PCM1: variants seen among roughly 807,000 people sequenced by gnomAD.
PCM1 encodes pericentriolar material 1.
A neutral mutation model predicts 241.9 loss-of-function variants in PCM1; 157 were observed. The observed-to-expected ratio is 0.65, with a 90% CI of 0.57 to 0.74. The LOEUF is 0.74. Among genes scored for constraint, PCM1 ranks in the 30% least tolerant of loss-of-function variants. The pLI is 0.00. For synonymous variants in PCM1, 1,085 were observed against 784.9 expected, an observed-to-expected ratio of 1.38 and a Z score of -6.39; for missense variants, 3,478 against 2,360.1, an observed-to-expected ratio of 1.47 and a Z score of -9.81.
chr8:17,995,149 C>G lies in PCM1; in HGVS notation c.4827+1530C>G, dbSNP rs796405967. Among the ~76,000 whole-genome samples, 26 of 151,460 alleles carry G rather than the reference C, an allele frequency of 1.7e-4. 2 individuals carry two copies. Among genetic ancestry groups the G allele is most frequent in the African/African-American group, 6.1e-4 (25 of 40,810 alleles). On this transcript the variant is annotated intron_variant, in intron 29 of 38. Coordinates refer to ENST00000325083, the MANE Select transcript of PCM1 (RefSeq NM_006197.4). ...CCCCACTGTTTTCATATAATAGTTT[C>G]ATAGTATGAGGTCTTAGATTTATGT...
chr8:17,990,645 A>T (rs1310125858), intron 27 of PCM1, among the ~76,000 whole-genome samples: 4 of 152,150 alleles, frequency 2.6e-5, no homozygotes, highest in African/African-American at 4.8e-5. Flanking sequence ...ACTGTGGCCA[A>T]TCAAAAGAGA....
chr8:18,018,956 A>G (rs1205472667), intron 36 of PCM1, among the ~76,000 whole-genome samples: 1 of 57,902 alleles, frequency 1.7e-5, no homozygotes, highest in African/African-American at 6.9e-5. Context: ...GATTTGTTCA[A>G]GACTTAAACA....
chr8:17,927,909 C>T (rs558536706), intron 2 of PCM1: 2 of 140,824 alleles, frequency 1.4e-5, no homozygotes, highest in African/African-American at 5.3e-5. Flanking sequence ...TTAAAATTGC[C>T]ATAGTATATT....
Position 17,938,850 on chromosome 8 carries a change from C to G in PCM1, c.453C>G (p.Asn151Lys), listed in dbSNP as rs1212089069. 4 of 1,613,606 alleles carry G rather than the reference C, an allele frequency of 2.5e-6. No individual in the cohort carries two copies. The highest frequency in any genetic ancestry group is 3.4e-6 in the Non-Finnish European group (4 of 1,179,540). Residue 151 changes from asparagine (N) to lysine (K), a missense_variant, in exon 5 of 39, where the codon AAC (asparagine) becomes AAG (lysine). Asn to Lys is a moderately conservative substitution (Grantham distance 94, BLOSUM62 0). Coordinates refer to ENST00000325083, the MANE Select transcript of PCM1 (RefSeq NM_006197.4). ...TTTTGCCTATGCAGATTAATACTAA[C>G]AAGAGCAAAGATGCATCTACAAACC... ...FNFLPMQINT[N>K]KSKDASTNPP...
chr8:18,025,432 G>C lies in PCM1; in HGVS notation c.5913G>C (p.Leu1971=), dbSNP rs377657446. Reference sequence around the variant, plus strand: ...TTGTAAAAGTTGAAGATTTACCACTGAAACTGACAATATATTCAGAGGTAT... The same window carrying C: ...TTGTAAAAGTTGAAGATTTACCACTCAAACTGACAATATATTCAGAGGTAT... ...EDFVKVEDLP[L]KLTIYSEADL... The change falls in exon 37 of 39, where the codon CTG becomes CTC. Residue 1971 remains leucine (L), a synonymous_variant. Transcript: ENST00000325083. 3 of 1,596,636 alleles carry C rather than the reference G, an allele frequency of 1.9e-6. No homozygotes were observed. The highest frequency in any genetic ancestry group is 1.3e-5 in the African/African-American group (1 of 74,586).
At chr8:17,943,181 T>A (rs1460880034) in intron 6 of PCM1, among the ~76,000 whole-genome samples, 1 of 44,048 alleles carries the variant, frequency 2.3e-5, no homozygotes, top group African/African-American at 4.9e-5. Context: ...GTTTGTTGTA[T>A]TTTTTTTTTT....
At chr8:17,964,470 G>A (rs2074017552) in intron 17 of PCM1, 98 bp from the exon 18 acceptor site, 2 of 822,398 alleles carry the variant, frequency 2.4e-6, no homozygotes, top group East Asian at 2.6e-5. Context: ...ATACAGACAT[G>A]TATATGTATG....
chr8:17,960,664 T>A (rs910284847), intron 15 of PCM1, among the ~76,000 whole-genome samples: 3 of 151,520 alleles, frequency 2.0e-5, no homozygotes, highest in African/African-American at 7.3e-5. Context: ...AGCTGGGACT[T>A]CAGGCACCCG....
chr8:18,020,230 G>T (rs947180385), intron 36 of PCM1, among the ~76,000 whole-genome samples: 14 of 152,298 alleles, frequency 9.2e-5, no homozygotes, highest in African/African-American at 2.4e-4. Context: ...CTGACCCATT[G>T]CTTATTATAC....
chr8:17,994,055 C>G (rs1402298084), intron 29 of PCM1, among the ~76,000 whole-genome samples: 2 of 152,122 alleles, frequency 1.3e-5, no homozygotes, highest in Non-Finnish European at 2.9e-5. Context: ...CAGTTATACT[C>G]TTTTAGTTAT....
chr8:17,969,648 C>T lies in PCM1; in HGVS notation c.3484C>T (p.Gln1162Ter). 6.2e-7 allele frequency: 1 copy of T among 1,612,632 alleles called. No individual in the cohort carries two copies. The highest frequency in any genetic ancestry group is 8.5e-7 in the Non-Finnish European group (1 of 1,178,880). ...FSQNISTPSE[Q>*]QQPLAQNSSG... ...TCAGAATATCTCTACACCCAGTGAA[C>T]AGCAGCAACCCTTAGCCCAGAATTC... is the stretch of plus-strand genomic sequence containing the variant. Residue 1162 changes from glutamine (Q) to a stop codon, truncating the protein, a stop_gained, in exon 22 of 39, where the codon CAG becomes TAG. Coordinates refer to ENST00000325083, the MANE Select transcript of PCM1 (RefSeq NM_006197.4). LOFTEE classifies it high-confidence loss of function.
intron 24 of PCM1, among the ~76,000 whole-genome samples, chr8:17,984,486 C>A (rs2081960581): frequency 6.6e-6 from 1 of 151,730 alleles, no homozygotes; most frequent in African/African-American, 2.4e-5. Flanking sequence ...TTTATTGTTA[C>A]ATATAATTAA....
In PCM1 at chr8:17,993,536, A is replaced by C. The variant is rs770592158; in HGVS notation, c.4744A>C (p.Thr1582Pro). 6.3e-7 allele frequency: 1 copy of C among 1,593,396 alleles called. No individual in the cohort carries two copies. The highest frequency in any genetic ancestry group is 1.3e-5 in the African/African-American group (1 of 74,628). Residue 1582 changes from threonine (T) to proline (P), a missense_variant, in exon 29 of 39, where the codon ACC (threonine) becomes CCC (proline). Coordinates refer to ENST00000325083, the MANE Select transcript of PCM1 (RefSeq NM_006197.4). The part of the protein sequence containing the change: ...SSQQPVSEVS[T>P]IPCPRIDTQQ... ...ACAACAACCTGTAAGTGAAGTTTCT[A>C]CCATCCCATGTCCTAGAATTGATAC...
At position 17,966,478 on chromosome 8, in the gene PCM1, T is replaced by C. The variant is rs2074933588; in HGVS notation, c.3221+5T>C. 6.2e-7 allele frequency: 1 copy of C among 1,608,816 alleles called. No individual in the cohort carries two copies. The highest frequency in any genetic ancestry group is 8.5e-7 in the Non-Finnish European group (1 of 1,175,496). On this transcript the variant is annotated splice_donor_5th_base_variant and intron_variant, in intron 20 of 38. Coordinates refer to ENST00000325083, the MANE Select transcript of PCM1 (RefSeq NM_006197.4). Reference sequence around the variant, plus strand: ...GCAACAGAATAATGTTCAGAGGTAATCTGTTTCTTAGAAGTATTGAGACTG... The same window carrying C: ...GCAACAGAATAATGTTCAGAGGTAACCTGTTTCTTAGAAGTATTGAGACTG...
intron 38 of PCM1, among the ~76,000 whole-genome samples, chr8:18,026,385 G>A (rs921047799): frequency 2.0e-5 from 3 of 147,510 alleles, no homozygotes; most frequent in African/African-American, 7.5e-5. Context: ...AGCCTCCCAA[G>A]TAGCTGGGAC....
chr8:17,981,820 T>C (rs2080927896), intron 24 of PCM1, among the ~76,000 whole-genome samples: 1 of 152,032 alleles, frequency 6.6e-6, no homozygotes, highest in African/African-American at 2.4e-5. Flanking sequence ...TGTAAACTGG[T>C]ACAACTTTCC....
rs1423641452 is a variant in PCM1, at chr8:17,966,162, A to C, written c.3019A>C (p.Lys1007Gln). Residue 1007 changes from lysine (K) to glutamine (Q), a missense_variant, in exon 19 of 39, where the codon AAG (lysine) becomes CAG (glutamine). Physicochemically the swap from Lys to Gln is moderately conservative, Grantham distance 53. Transcript: ENST00000325083. ...EQWQEQINQL[K>Q]KQLDFSVSIC... is the part of the protein sequence containing the mutation. The stretch of plus-strand genomic sequence containing the variant: ...ATGGCAAGAACAAATCAATCAGCTA[A>C]AGAAACAGCTTGATTTTAGTGTCAG... 6.2e-7 allele frequency: 1 copy of C among 1,614,000 alleles called. No homozygotes were observed. The highest frequency in any genetic ancestry group is 1.1e-5 in the South Asian group (1 of 91,088).
intron 36 of PCM1, among the ~76,000 whole-genome samples, chr8:18,024,368 T>TA (rs1212666394): frequency 6.6e-6 from 1 of 152,174 alleles, no homozygotes; most frequent in African/African-American, 2.4e-5. Context: ...CCCTGTGTCT[T>TA]AAAATTTCTT....
At chr8:18,018,873 T>TAA in intron 36 of PCM1, among the ~76,000 whole-genome samples, 1 of 116,612 alleles carries the variant, frequency 8.6e-6, no homozygotes, top group Admixed American at 8.4e-5. Flanking sequence ...TATATATATA[T>TAA]ATATATACAC....
Sources: allele counts gnomAD v4.1 joint callset (sites outside exome capture counted in the v4.1 genomes callset), GRCh38; gene constraint gnomAD v4.1.1; transcripts MANE v1.5; gene names NCBI Gene and HGNC (gene_info 2026-07-23, HGNC 2026-07-21).